LATS2: variants seen among roughly 807,000 people sequenced by gnomAD.
LATS2 encodes large tumor suppressor kinase 2, also known as serine/threonine-protein kinase LATS2.
Under a neutral mutation model 76.0 loss-of-function variants are expected in LATS2, and 24 were observed. The ratio of observed to expected loss-of-function variants is 0.32; its 90% CI spans 0.23 to 0.44. The LOEUF (loss-of-function observed/expected upper bound fraction) is 0.44, where lower values mean the gene tolerates loss of function less well. Ranked by LOEUF, LATS2 falls within the 20% of genes least tolerant of loss-of-function variation. LATS2 has a pLI of 1.00. For missense variants in LATS2, 1,286 were observed against 1,481.2 expected, an observed-to-expected ratio of 0.87 and a Z score of 2.16; for synonymous variants, 692 against 635.4, an observed-to-expected ratio of 1.09 and a Z score of -1.34.
At chr13:21,007,545 G>GCA (rs1565951782) in intron 2 of LATS2, among the ~76,000 whole-genome samples, 1 of 3,610 alleles carries the variant, frequency 2.8e-4, no homozygotes, top group Non-Finnish European at 4.7e-4. Context: ...TATATATATA[G>GCA]TATATATATA....
At chr13:21,019,493 A>ATTTTTTTTTTTTT (rs67762203) in intron 2 of LATS2, among the ~76,000 whole-genome samples, 3 of 132,636 alleles carry the variant, frequency 2.3e-5, no homozygotes, top group African/African-American at 8.6e-5. Context: ...CGCCCAGCTA[A>ATTTTTTTTTTTTT]TTTTTTTTTT....
Position 20,973,420 on chromosome 13 carries a change from TA to T in LATS2, c.*1449del. 4.3e-6 allele frequency: 1 copy of T among 232,028 alleles called. No individual in the cohort carries two copies. The highest frequency in any genetic ancestry group is 8.5e-6 in the Non-Finnish European group (1 of 117,276). 14.4% of individuals were successfully genotyped at this position (232,028 alleles called of 1,614,324 possible). On this transcript the variant is annotated 3_prime_UTR_variant, in exon 8 of 8. Transcript: ENST00000382592. ...GAAAATTATGAAGCATCAGATTTTT[TA>T]AAAAGCAAAAAAGAATTGAACTTTT...
chr13:21,011,420 T>A (rs1406101482), intron 2 of LATS2, among the ~76,000 whole-genome samples: 1 of 152,216 alleles, frequency 6.6e-6, no homozygotes, highest in Non-Finnish European at 1.5e-5. Flanking sequence ...AACTCCTGTT[T>A]TTAAACTGGT....
intron 2 of LATS2, among the ~76,000 whole-genome samples, chr13:21,034,428 T>C (rs1364765432): frequency 6.6e-6 from 1 of 152,052 alleles, no homozygotes; most frequent in Non-Finnish European, 1.5e-5. Context: ...CGGGGAGGTG[T>C]TGGGGAAGCT....
Position 20,973,557 on chromosome 13 carries a change from C to T in LATS2, c.*1313G>A, listed in dbSNP as rs187086548. The T allele has an allele frequency of 2.9e-3, 663 of 232,016 alleles. 2 individuals carry two copies. The highest frequency in any genetic ancestry group is 5.6e-3 in the East Asian group (91 of 16,240). 14.4% of individuals were successfully genotyped at this position (232,016 alleles called of 1,614,324 possible). On this transcript the variant is annotated 3_prime_UTR_variant, in exon 8 of 8. Transcript: ENST00000382592. ...GTGTATACACGCACATACATCTATA[C>T]TTCTAAGAAAATACGTATGGCTTAC...
intron 2 of LATS2, among the ~76,000 whole-genome samples, chr13:21,039,753 T>C (rs1017100042): frequency 1.3e-5 from 2 of 152,274 alleles, no homozygotes; most frequent in East Asian, 3.9e-4. Flanking sequence ...CAATGCCCAA[T>C]GCATGGAGCA....
At chr13:20,985,167 C>T (rs897765028) in intron 4 of LATS2, among the ~76,000 whole-genome samples, 3 of 152,022 alleles carry the variant, frequency 2.0e-5, no homozygotes, top group African/African-American at 4.8e-5. Context: ...GAAATAAGAC[C>T]AGAGGCTATG....
chr13:20,974,902 G>T lies in LATS2; in HGVS notation c.3235C>A (p.Gln1079Lys). The T allele has an allele frequency of 6.2e-7, 1 of 1,613,934 alleles. No individual in the cohort carries two copies. Among genetic ancestry groups the T allele is most frequent in the Non-Finnish European group, 8.5e-7 (1 of 1,179,964 alleles). ...TACACAGGCTGGCAGCCTTCAGTCTGATCCACCAGATCAGAGCTTTCTAAA... is the reference window on the plus strand; with the variant it reads ...TACACAGGCTGGCAGCCTTCAGTCTTATCCACCAGATCAGAGCTTTCTAAA... ...SDLESSDLVD[Q>K]TEGCQPVYV The change falls in exon 8 of 8, where the codon CAG becomes AAG. Residue 1079 changes from glutamine to lysine, a missense_variant. This residue lies in a region of LATS2 where 210 missense variants were observed against 234.9 expected (regional missense o/e 0.89). Coordinates refer to ENST00000382592, the MANE Select transcript of LATS2 (RefSeq NM_014572.3).
intron 2 of LATS2, among the ~76,000 whole-genome samples, chr13:21,001,038 A>G (rs1354375604): frequency 6.6e-6 from 1 of 152,272 alleles, no homozygotes; most frequent in East Asian, 1.9e-4. Context: ...AACTGCCTGT[A>G]CTATCTAGCT....
At chr13:21,022,111 C>A (rs144901841) in intron 2 of LATS2, among the ~76,000 whole-genome samples, 1 of 152,188 alleles carries the variant, frequency 6.6e-6, no homozygotes, top group East Asian at 1.9e-4. Flanking sequence ...AATACCAATG[C>A]CCAGAATCCA....
chr13:21,007,544 A>AGTGTGT (rs1439942731), intron 2 of LATS2, among the ~76,000 whole-genome samples: 1 of 7,330 alleles, frequency 1.4e-4, no homozygotes. Flanking sequence ...ATATATATAT[A>AGTGTGT]GTATATATAT....
Position 21,012,517 on chromosome 13 carries a change from G to A in LATS2, c.343-21113C>T, listed in dbSNP as rs544681002. Among the ~76,000 whole-genome samples, 481 of 152,298 alleles carry A rather than the reference G, an allele frequency of 3.2e-3. 1 individual carries two copies. The highest frequency in any genetic ancestry group is 5.8e-3 in the Non-Finnish European group (392 of 68,028). ...GTGGCCCGTGGTTGCCCGAAACATC[G>A]TTATGCGGCACTTGACTGTATTTAT... On this transcript the variant is annotated intron_variant, in intron 2 of 7. Transcript: ENST00000382592.
At chr13:21,056,692 C>T (rs925271912) in intron 1 of LATS2, among the ~76,000 whole-genome samples, 3 of 152,232 alleles carry the variant, frequency 2.0e-5, no homozygotes, top group African/African-American at 7.2e-5. Context: ...ACACCCCTCC[C>T]ATTTGAGAAT....
At chr13:20,978,293 GACC>G (rs1869718566) in intron 7 of LATS2, among the ~76,000 whole-genome samples, 1 of 152,030 alleles carries the variant, frequency 6.6e-6, no homozygotes, top group Non-Finnish European at 1.5e-5. Flanking sequence ...TGGCTCACAT[GACC>G]ACCAGGGCAT....
intron 2 of LATS2, among the ~76,000 whole-genome samples, chr13:21,036,016 A>C (rs533484206): frequency 1.3e-5 from 2 of 152,198 alleles, no homozygotes; most frequent in Non-Finnish European, 2.9e-5. Flanking sequence ...CTCGTGCCTC[A>C]GCCTCCTGAG....
intron 2 of LATS2, among the ~76,000 whole-genome samples, chr13:21,044,073 T>G (rs568712693): frequency 6.6e-6 from 1 of 152,332 alleles, no homozygotes; most frequent in Middle Eastern, 3.4e-3. Context: ...TGCTGTCAGC[T>G]TCACTGCTGA....
intron 1 of LATS2, among the ~76,000 whole-genome samples, chr13:21,058,354 C>A (rs1218329377): frequency 6.6e-6 from 1 of 152,214 alleles, no homozygotes; most frequent in Non-Finnish European, 1.5e-5. Flanking sequence ...AAGAACACCT[C>A]TCCCCTAACC....
chr13:21,044,832 G>A (rs1390316439), intron 2 of LATS2, among the ~76,000 whole-genome samples: 1 of 150,058 alleles, frequency 6.7e-6, no homozygotes, highest in Non-Finnish European at 1.5e-5. Context: ...AGGCTCAAGC[G>A]ATCCCTCCTG....
intron 2 of LATS2, among the ~76,000 whole-genome samples, chr13:21,010,901 C>T (rs768542289): frequency 2.6e-5 from 4 of 152,228 alleles, no homozygotes; most frequent in African/African-American, 4.8e-5. Context: ...CATAAATGGA[C>T]CTGAGTGAGA....
Sources: gnomAD v4.1 joint callset for allele counts (sites outside exome capture counted in the v4.1 genomes callset) on GRCh38, gnomAD v4.1.1 for gene constraint, gnomAD v4.1.1 regional missense constraint, MANE v1.5 for transcripts, NCBI Gene and HGNC (gene_info 2026-07-23, HGNC 2026-07-21) for gene names.